CELF2: variants seen among roughly 807,000 people sequenced by gnomAD.
CELF2 encodes CUG triplet repeat RNA-binding protein 2.
In CELF2, 8 loss-of-function variants were observed where a neutral mutation model predicts 62.6. That is an observed-to-expected ratio of 0.13 (90% CI 0.07 to 0.23). The LOEUF (loss-of-function observed/expected upper bound fraction) is 0.23, where lower values mean the gene tolerates loss of function less well. Ranked by LOEUF, CELF2 falls within the 10% of genes least tolerant of loss-of-function variation. The probability of loss-of-function intolerance (pLI) is 1.00; values close to 1 mark genes in which losing one functional copy is unlikely to be tolerated. For synonymous variants in CELF2, 258 were observed against 250.0 expected (o/e 1.03, Z -0.30); for missense variants, 333 against 671.0 (o/e 0.50, Z 5.56).
rs2094545093 is a variant in CELF2, at chr10:11,311,236, C to T, written c.977-2903C>T. 1.3e-5 allele frequency among the ~76,000 whole-genome samples: 2 copies of T among 152,184 alleles called. No individual in the cohort carries two copies. The highest frequency in any genetic ancestry group is 1.5e-5 in the Non-Finnish European group (1 of 68,034). On this transcript the variant is annotated intron_variant, in intron 9 of 12. Transcript: ENST00000633077. This position sits in a 1 kb window ranked among gnomAD's most constrained non-coding sequence, Gnocchi z 4.7. The stretch of plus-strand genomic sequence containing the variant: ...CCCTCTGAGAATTCATAACAATAAA[C>T]CATCCCTCACGTGAGTTTACAACCC...
At chr10:11,087,427 AG>A (rs1564680525) in intron 1 of CELF2, among the ~76,000 whole-genome samples, 2 of 152,236 alleles carry the variant, frequency 1.3e-5, no homozygotes, top group Non-Finnish European at 2.9e-5. Flanking sequence ...AGTGCCTGAA[AG>A]AGTTCTAACT....
the CELF2 span, among the ~76,000 whole-genome samples, chr10:10,703,906 C>T: frequency 1.3e-5 from 2 of 152,304 alleles, no homozygotes; most frequent in East Asian, 3.9e-4. Context: ...GGCTGGGATG[C>T]TAACTTATAC....
At position 11,236,363 on chromosome 10, in the gene CELF2, G is replaced by C. The variant is rs969082001; in HGVS notation, c.355-12790G>C. Among the ~76,000 whole-genome samples, 11 of 152,322 alleles carry C rather than the reference G, an allele frequency of 7.2e-5. No homozygotes were observed. The East Asian group carries it at 2.1e-3, about 29-fold the overall frequency. On this transcript the variant is annotated intron_variant, in intron 3 of 12. Coordinates refer to ENST00000633077, the MANE Select transcript of CELF2 (RefSeq NM_001326342.2). ...GTTCAAAGGAAACTAGAGATTACTG[G>C]ATAAGCATCAATAACATTAACAGAG...
chr10:11,162,939 G>T (rs2066058489), intron 1 of CELF2, among the ~76,000 whole-genome samples: 1 of 152,150 alleles, frequency 6.6e-6, no homozygotes, highest in Admixed American at 6.5e-5. Context: ...AAGAGGTGCT[G>T]CCAGAACTCA....
chr10:10,492,672 G>C, the CELF2 span, among the ~76,000 whole-genome samples: 1 of 152,136 alleles, frequency 6.6e-6, no homozygotes, highest in Non-Finnish European at 1.5e-5. Context: ...AGTAACCCAA[G>C]TGACCACCAT....
the CELF2 span, among the ~76,000 whole-genome samples, chr10:10,765,497 G>A: frequency 6.6e-6 from 1 of 152,134 alleles, no homozygotes; most frequent in Admixed American, 6.6e-5. Flanking sequence ...CTGTGCCCTT[G>A]CGTTGTATTG....
chr10:11,244,342 C>T lies in CELF2; in HGVS notation c.355-4811C>T, dbSNP rs745905165. On this transcript the variant is annotated intron_variant, in intron 3 of 12. Transcript: ENST00000633077. The surrounding 1 kb of genome is among the most constrained non-coding windows in gnomAD (Gnocchi z 4.2). ...TCTTGTGCTTTAGGTGTCTTGTTTT[C>T]GGTGAATGTTCTTTTTAACAACTTC... 3.3e-5 allele frequency among the ~76,000 whole-genome samples: 5 copies of T among 152,198 alleles called. No individual in the cohort carries two copies. Among genetic ancestry groups the T allele is most frequent in the African/African-American group, 4.8e-5 (2 of 41,450 alleles).
chr10:10,664,110 GCAAAAACA>G, the CELF2 span, among the ~76,000 whole-genome samples: 1 of 152,078 alleles, frequency 6.6e-6, no homozygotes, highest in Non-Finnish European at 1.5e-5. Flanking sequence ...AGATAGGTAG[GCAAAAACA>G]CAAAAACACA....
chr10:10,786,552 G>C, the CELF2 span: 4 of 151,890 alleles, frequency 2.6e-5, no homozygotes, highest in Non-Finnish European at 5.9e-5. Flanking sequence ...CCTTGAAATA[G>C]TTCTATATTT....
intron 2 of CELF2, among the ~76,000 whole-genome samples, chr10:11,208,878 A>G (rs1424498899): frequency 2.6e-5 from 4 of 151,970 alleles, no homozygotes. Flanking sequence ...CTGCTTCCCG[A>G]CTCCCAACGT....
chr10:11,062,826 G>A (rs1302029289), intron 1 of CELF2, among the ~76,000 whole-genome samples: 1 of 152,168 alleles, frequency 6.6e-6, no homozygotes. Flanking sequence ...TCTAACATGG[G>A]CAACGTGCTA....
chr10:11,218,435 C>T (rs1028348326), intron 3 of CELF2, among the ~76,000 whole-genome samples: 1 of 152,190 alleles, frequency 6.6e-6, no homozygotes, highest in Non-Finnish European at 1.5e-5. Flanking sequence ...TGTGTATATA[C>T]ACATTCACAC....
intron 1 of CELF2, among the ~76,000 whole-genome samples, chr10:10,847,051 T>C (rs12257036): frequency 0.27 from 41,053 of 152,008 alleles, 6,637 homozygotes; most frequent in East Asian, 0.54. Flanking sequence ...AAGCCCATTA[T>C]TAACCTTGAA....
rs58340846 is a variant in CELF2, at chr10:10,953,818, TA to T, written c.89+33832del. On this transcript the variant is annotated intron_variant, in intron 2 of 13. Coordinates refer to the CELF2 transcript ENST00000636488. ...CAGAACAAAAACATCACAAGCAAAG[TA>T]AAAAAAAAAAAATGACAAACCAGAA... is the stretch of plus-strand genomic sequence containing the variant. Among the ~76,000 whole-genome samples, 231 of 142,862 alleles carry T rather than the reference TA, an allele frequency of 1.6e-3. 1 individual carries two copies. Among genetic ancestry groups the T allele is most frequent in the South Asian group, 3.5e-3 (16 of 4,630 alleles). The allele number at this position is 142,862 out of a possible 152,430, so 93.7% of individuals were successfully genotyped here. A position where few individuals can be genotyped will look rare whatever the true frequency, so the allele number is the denominator to read the frequency against.
intron 1 of CELF2, among the ~76,000 whole-genome samples, chr10:11,057,462 G>C (rs2065564427): frequency 6.6e-6 from 1 of 152,206 alleles, no homozygotes. Context: ...GGAGAAAAAG[G>C]AAAACAAGTT....
the CELF2 span, among the ~76,000 whole-genome samples, chr10:10,569,694 G>A: frequency 2.0e-5 from 3 of 152,284 alleles, no homozygotes; most frequent in Admixed American, 2.0e-4. Flanking sequence ...GAAATCATTG[G>A]GAGGATTGAA....
At chr10:10,924,996 GACTT>G (rs942429359) in intron 2 of CELF2, 42 of 152,190 alleles carry the variant, frequency 2.8e-4, no homozygotes, top group African/African-American at 9.6e-4. Flanking sequence ...GGACGAGAGA[GACTT>G]ACCTCTCCAG....
chr10:10,471,805 C>G, the CELF2 span, among the ~76,000 whole-genome samples: 2 of 151,784 alleles, frequency 1.3e-5, no homozygotes, highest in Non-Finnish European at 2.9e-5. Context: ...TAAATTTTCT[C>G]ACTTTATATT....
chr10:10,668,984 A>C, the CELF2 span, among the ~76,000 whole-genome samples: 1 of 152,182 alleles, frequency 6.6e-6, no homozygotes, highest in Non-Finnish European at 1.5e-5. Flanking sequence ...AAGGTTACAT[A>C]CAAAAAAAAT....
Sources: gnomAD v4.1 joint callset for allele counts (sites outside exome capture counted in the v4.1 genomes callset) on GRCh38, gnomAD v4.1.1 for gene constraint, Gnocchi (gnomAD v3.1) non-coding constraint, MANE v1.5 for transcripts, NCBI Gene and HGNC (gene_info 2026-07-23, HGNC 2026-07-21) for gene names.